The following PDZRN4 variants were observed in gnomAD, a reference collection of about 807,000 sequenced individuals.
The protein encoded by PDZRN4 is PDZ domain containing ring finger 4, also known as PDZ domain-containing RING finger protein 4.
Under a neutral mutation model 99.0 loss-of-function variants are expected in PDZRN4, and 70 were observed. The ratio of observed to expected loss-of-function variants is 0.71; its 90% CI spans 0.58 to 0.86. PDZRN4 has a LOEUF of 0.86. PDZRN4 is among the 40% of genes least tolerant of loss of function. The pLI is 0.00. For synonymous variants in PDZRN4, 551 were observed against 501.6 expected (o/e 1.10, Z -1.32); for missense variants, 1,474 against 1,331.2 (o/e 1.11, Z -1.67).
At chr12:41,389,458 G>A (rs1042187372) in intron 3 of PDZRN4, among the ~76,000 whole-genome samples, 1 of 152,126 alleles carries the variant, frequency 6.6e-6, no homozygotes, top group African/African-American at 2.4e-5. Context: ...TTAGAAAGTA[G>A]CTAGTTAATG....
chr12:41,196,832 T>A (rs1950776698), intron 3 of PDZRN4, among the ~76,000 whole-genome samples: 1 of 152,102 alleles, frequency 6.6e-6, no homozygotes, highest in Admixed American at 6.5e-5. Context: ...AAGATAATAA[T>A]TTATTTTCTG....
chr12:41,239,086 G>A (rs1417502679), intron 3 of PDZRN4, among the ~76,000 whole-genome samples: 2 of 152,142 alleles, frequency 1.3e-5, no homozygotes, highest in Admixed American at 6.5e-5. Context: ...ATGATAGACT[G>A]GATAAAGATA....
chr12:41,560,883 C>T (rs1027534908), intron 7 of PDZRN4, among the ~76,000 whole-genome samples: 2 of 152,198 alleles, frequency 1.3e-5, no homozygotes, highest in African/African-American at 4.8e-5. Context: ...AGTACAATAG[C>T]ATCTACCAAC....
intron 3 of PDZRN4, among the ~76,000 whole-genome samples, chr12:41,228,599 T>C (rs1432664143): frequency 1.3e-5 from 2 of 152,124 alleles, no homozygotes; most frequent in Admixed American, 6.6e-5. Context: ...TCTTCCTAAA[T>C]AAAAAGGCTA....
At chr12:41,414,869 G>A (rs1278355329) in intron 3 of PDZRN4, among the ~76,000 whole-genome samples, 3 of 152,174 alleles carry the variant, frequency 2.0e-5, no homozygotes, top group South Asian at 2.1e-4. Context: ...ACAAAGAGAA[G>A]CGTTCTTTAT....
chr12:41,229,129 T>C (rs1236523628), intron 3 of PDZRN4, among the ~76,000 whole-genome samples: 2 of 151,296 alleles, frequency 1.3e-5, no homozygotes, highest in African/African-American at 4.8e-5. Context: ...TCATCTAATG[T>C]TTACACTGAT....
intron 5 of PDZRN4, among the ~76,000 whole-genome samples, chr12:41,510,509 A>C (rs903565387): frequency 1.8e-4 from 27 of 152,136 alleles, no homozygotes; most frequent in African/African-American, 6.0e-4. Context: ...ATTATTTAAA[A>C]GCTCTCACAA....
At chr12:41,374,486 G>A (rs1037310200) in intron 3 of PDZRN4, among the ~76,000 whole-genome samples, 3 of 152,070 alleles carry the variant, frequency 2.0e-5, no homozygotes, top group Non-Finnish European at 4.4e-5. Flanking sequence ...AACTCTACAG[G>A]GGAAGTGACC....
chr12:41,294,722 A>G (rs1032260097), intron 3 of PDZRN4, among the ~76,000 whole-genome samples: 1 of 152,168 alleles, frequency 6.6e-6, no homozygotes, highest in South Asian at 2.1e-4. Context: ...AGAGCTTTGC[A>G]TACTATAAAC....
chr12:41,510,027 C>T, intron 5 of PDZRN4, 114 bp downstream of exon 5: 1 of 555,994 alleles, frequency 1.8e-6, no homozygotes, highest in Non-Finnish European at 3.2e-6. Context: ...ATTACATATC[C>T]AGTGTAAGAT....
intron 3 of PDZRN4, among the ~76,000 whole-genome samples, chr12:41,340,225 G>C (rs377203955): frequency 1.3e-5 from 2 of 152,058 alleles, no homozygotes; most frequent in Non-Finnish European, 1.5e-5. Flanking sequence ...TACATGTATA[G>C]AATAGAGAAC....
chr12:41,517,995 ATTACT>A (rs750835666), intron 5 of PDZRN4, among the ~76,000 whole-genome samples: 2 of 152,132 alleles, frequency 1.3e-5, no homozygotes, highest in African/African-American at 4.8e-5. Flanking sequence ...TAGAAAATAA[ATTACT>A]TTATTTACAT....
chr12:41,532,140 T>C (rs1463910200), intron 5 of PDZRN4, among the ~76,000 whole-genome samples: 2 of 152,198 alleles, frequency 1.3e-5, no homozygotes, highest in African/African-American at 4.8e-5. Context: ...ATTTTTCTGA[T>C]ATGTACAACA....
At chr12:41,319,279 G>T (rs1054400038) in intron 3 of PDZRN4, among the ~76,000 whole-genome samples, 1 of 152,110 alleles carries the variant, frequency 6.6e-6, no homozygotes, top group Admixed American at 6.5e-5. Flanking sequence ...CCCGAAAACT[G>T]ACCTAAGCCT....
At chr12:41,537,293 C>T (rs183755825) in intron 5 of PDZRN4, among the ~76,000 whole-genome samples, 9 of 152,266 alleles carry the variant, frequency 5.9e-5, no homozygotes, top group African/African-American at 2.2e-4. Context: ...ATTTATGTGG[C>T]AAATGGGCAA....
chr12:41,393,058 C>T (rs1400090421), intron 3 of PDZRN4, among the ~76,000 whole-genome samples: 1 of 152,134 alleles, frequency 6.6e-6, no homozygotes, highest in Non-Finnish European at 1.5e-5. Flanking sequence ...ATCACCAGTG[C>T]CTATGGAATG....
intron 3 of PDZRN4, among the ~76,000 whole-genome samples, chr12:41,373,927 G>T (rs1320408998): frequency 6.6e-5 from 10 of 152,150 alleles, no homozygotes; most frequent in Admixed American, 6.5e-4. Flanking sequence ...ATGTTCTTCT[G>T]CCATGGCTTT....
intron 3 of PDZRN4, among the ~76,000 whole-genome samples, chr12:41,204,356 G>T (rs1407382514): frequency 1.3e-5 from 2 of 151,990 alleles, no homozygotes; most frequent in East Asian, 3.9e-4. Flanking sequence ...CCTCTGGACA[G>T]GAGAGTTCCT....
intron 3 of PDZRN4, among the ~76,000 whole-genome samples, chr12:41,490,065 A>C (rs1565596536): frequency 6.6e-6 from 1 of 152,148 alleles, no homozygotes. Context: ...CTTAGTAAAA[A>C]AAAATCAATT....
Sources: gnomAD v4.1 joint callset for allele counts (sites outside exome capture counted in the v4.1 genomes callset) on GRCh38, gnomAD v4.1.1 for gene constraint, MANE v1.5 for transcripts, NCBI Gene and HGNC (gene_info 2026-07-23, HGNC 2026-07-21) for gene names.